MMD2: variants seen among roughly 807,000 people sequenced by gnomAD.
MMD2 encodes monocyte to macrophage differentiation associated 2, also known as monocyte to macrophage differentiation factor 2.
MMD2 carries 30 observed loss-of-function variants against 33.5 expected under a neutral mutation model. The observed-to-expected ratio is 0.90, with a 90% CI of 0.67 to 1.22. MMD2 has a LOEUF of 1.22. MMD2 is among the 50% of genes most tolerant of loss of function. The pLI is 0.00. For synonymous variants in MMD2, 129 were observed against 123.0 expected (o/e 1.05, Z -0.32); for missense variants, 364 against 325.4 (o/e 1.12, Z -0.91).
the MMD2 span, among the ~76,000 whole-genome samples, chr7:4,895,426 G>C: frequency 6.6e-6 from 1 of 152,150 alleles, no homozygotes; most frequent in Non-Finnish European, 1.5e-5. Flanking sequence ...GGCCAAAATG[G>C]CAATTATTTG....
At chr7:4,953,717 T>C (rs1227040486) in intron 1 of MMD2, among the ~76,000 whole-genome samples, 1 of 152,136 alleles carries the variant, frequency 6.6e-6, no homozygotes, top group African/African-American at 2.4e-5. Flanking sequence ...GTGATCCACC[T>C]GCCTTGGCTT....
chr7:4,917,477 C>T (rs1457002454), intron 3 of MMD2, among the ~76,000 whole-genome samples: 1 of 152,090 alleles, frequency 6.6e-6, no homozygotes, highest in Non-Finnish European at 1.5e-5. Context: ...GCCTGGCTAA[C>T]ATGGTGAAAC....
the MMD2 span, among the ~76,000 whole-genome samples, chr7:4,894,795 G>T: frequency 6.6e-6 from 1 of 152,142 alleles, no homozygotes; most frequent in African/African-American, 2.4e-5. The surrounding 1 kb of genome is among the most constrained non-coding windows in gnomAD (Gnocchi z 4.3). Context: ...CTACGCCCCT[G>T]CCCTCTAGGC....
intron 1 of MMD2, among the ~76,000 whole-genome samples, chr7:4,950,501 C>T (rs550932561): frequency 2.3e-4 from 35 of 152,258 alleles, no homozygotes; most frequent in African/African-American, 7.9e-4. Flanking sequence ...ATTCTTCATT[C>T]CCTACCCACC....
intron 3 of MMD2, 106 bp downstream of exon 3, chr7:4,920,065 G>T: frequency 7.7e-7 from 1 of 1,306,504 alleles, no homozygotes; most frequent in Non-Finnish European, 1.0e-6. Context: ...GCTCAGTGGA[G>T]AATGTCACCA....
At chr7:4,943,003 T>C (rs899963206) in intron 1 of MMD2, among the ~76,000 whole-genome samples, 2 of 134,168 alleles carry the variant, frequency 1.5e-5, no homozygotes, top group African/African-American at 5.4e-5. Context: ...CCTGCCCTTT[T>C]CTTTTTTTTT....
At chr7:4,945,826 T>A (rs1213019149) in intron 1 of MMD2, among the ~76,000 whole-genome samples, 1 of 152,180 alleles carries the variant, frequency 6.6e-6, no homozygotes. Flanking sequence ...CCTCCCGCCT[T>A]GGCCTCAAAG....
intron 1 of MMD2, among the ~76,000 whole-genome samples, chr7:4,953,320 C>G (rs1786299319): frequency 6.6e-6 from 1 of 151,308 alleles, no homozygotes; most frequent in Admixed American, 6.7e-5. Flanking sequence ...GCTGGAAACA[C>G]CATCAATATC....
the MMD2 span, among the ~76,000 whole-genome samples, chr7:4,899,716 A>G: frequency 7.9e-4 from 121 of 152,228 alleles, no homozygotes; most frequent in African/African-American, 2.7e-3. Context: ...ATTTCTTAGT[A>G]TGGGTCTTCA....
intron 1 of MMD2, among the ~76,000 whole-genome samples, chr7:4,947,452 G>T (rs1478699914): frequency 6.6e-6 from 1 of 150,960 alleles, no homozygotes; most frequent in Non-Finnish European, 1.5e-5. Flanking sequence ...GGAGTGCAGT[G>T]GTGGGATCTC....
intron 1 of MMD2, among the ~76,000 whole-genome samples, chr7:4,953,384 G>A (rs1055431282): frequency 6.7e-6 from 1 of 149,978 alleles, no homozygotes; most frequent in African/African-American, 2.5e-5. Flanking sequence ...CACATGACCT[G>A]TATAAAACCC....
Position 4,908,736 on chromosome 7 carries a change from A to C in MMD2, c.538-1137T>G, listed in dbSNP as rs146856790. On this transcript the variant is annotated intron_variant, in intron 6 of 6. Transcript: ENST00000401401. ...ACATAGTGAAACCCCATCTCTACTA[A>C]AAATACAATAATTAGCCGAGAGTGG... Among the ~76,000 whole-genome samples, 737 of 151,864 alleles carry C rather than the reference A, an allele frequency of 4.9e-3. 1 individual carries two copies. Among genetic ancestry groups the C allele is most frequent in the Non-Finnish European group, 7.6e-3 (517 of 67,958 alleles).
chr7:4,901,446 A>G (rs1054825221), downstream of MMD2, among the ~76,000 whole-genome samples: 2 of 152,248 alleles, frequency 1.3e-5, no homozygotes, highest in Non-Finnish European at 2.9e-5. Context: ...CAAAAAATAC[A>G]TAAATAAATA....
At chr7:4,911,607 A>T (rs201728289) in intron 4 of MMD2, among the ~76,000 whole-genome samples, 27 of 62,144 alleles carry the variant, frequency 4.3e-4, no homozygotes, top group South Asian at 1.3e-3. Context: ...TGTTTTATTT[A>T]TTTTATTTTA....
rs574971981 is a variant in MMD2, at chr7:4,925,346, G to A, written c.129+105C>T. 4.3e-5 allele frequency: 38 copies of A among 890,816 alleles called. No homozygotes were observed. In the South Asian group the frequency reaches 6.3e-4, roughly 15 times the overall value. 55.2% of individuals were successfully genotyped at this position (890,816 alleles called of 1,614,324 possible). A position where few individuals can be genotyped will look rare whatever the true frequency, so the allele number is the denominator to read the frequency against. ...CTTCCCTGAGGGCCACAGAAGACCC[G>A]AGGAACAGGCCACTTAGGACATACG... On this transcript the variant is annotated intron_variant, in intron 2 of 6. Coordinates refer to ENST00000401401, the MANE Select transcript of MMD2 (RefSeq NM_198403.4).
the MMD2 span, among the ~76,000 whole-genome samples, chr7:4,895,826 G>T: frequency 1.3e-5 from 2 of 151,694 alleles, no homozygotes; most frequent in Non-Finnish European, 2.9e-5. Context: ...GAACCACCGC[G>T]CCCGGCTGAG....
At chr7:4,956,540 C>T (rs985006242) in intron 1 of MMD2, among the ~76,000 whole-genome samples, 25 of 152,116 alleles carry the variant, frequency 1.6e-4, no homozygotes, top group African/African-American at 3.9e-4. Flanking sequence ...CTAATCCATG[C>T]GATCCATTTC....
chr7:4,945,281 C>CTTT (rs1230164654), intron 1 of MMD2, among the ~76,000 whole-genome samples: 1 of 80,112 alleles, frequency 1.2e-5, no homozygotes, highest in Non-Finnish European at 2.6e-5. Context: ...CTTTTTTTTT[C>CTTT]TTTTTTTGAG....
intron 1 of MMD2, among the ~76,000 whole-genome samples, chr7:4,948,055 G>C (rs955473289): frequency 1.4e-4 from 22 of 151,992 alleles, no homozygotes; most frequent in African/African-American, 5.3e-4. Flanking sequence ...CTCAACCAAG[G>C]GGGATACTGC....
Sources: allele counts gnomAD v4.1 joint callset (sites outside exome capture counted in the v4.1 genomes callset), GRCh38; gene constraint gnomAD v4.1.1; non-coding constraint Gnocchi (gnomAD v3.1); transcripts MANE v1.5; gene names NCBI Gene and HGNC (gene_info 2026-07-23, HGNC 2026-07-21).